SLC2A9: variants seen among roughly 807,000 people sequenced by gnomAD.
SLC2A9 encodes solute carrier family 2 member 9.
Under a neutral mutation model 50.6 loss-of-function variants are expected in SLC2A9, and 39 were observed. That is an observed-to-expected ratio of 0.77 (90% CI 0.60 to 1.01). The LOEUF (loss-of-function observed/expected upper bound fraction) is 1.01. Ranked by LOEUF, SLC2A9 falls within the 50% of genes least tolerant of loss-of-function variation. SLC2A9 has a pLI of 0.00. For missense variants in SLC2A9, 686 were observed against 677.6 expected (o/e 1.01, Z -0.14); for synonymous variants, 324 against 276.9 (o/e 1.17, Z -1.69).
intron 5 of SLC2A9, among the ~76,000 whole-genome samples, chr4:9,944,715 G>A (rs1006631951): frequency 4.6e-5 from 7 of 152,218 alleles, no homozygotes; most frequent in Non-Finnish European, 8.8e-5. Flanking sequence ...CAGAGGGACT[G>A]AGCTTAGCCA....
At chr4:9,844,927 G>C (rs183110298) in intron 10 of SLC2A9, among the ~76,000 whole-genome samples, 52 of 152,286 alleles carry the variant, frequency 3.4e-4, no homozygotes, top group Middle Eastern at 6.8e-3. Context: ...TGTTATTTCT[G>C]CTTCCAGCAA....
chr4:9,848,336 C>G (rs1729303194), intron 10 of SLC2A9, among the ~76,000 whole-genome samples: 1 of 147,522 alleles, frequency 6.8e-6, no homozygotes, highest in African/African-American at 2.6e-5. Flanking sequence ...TGTGGTCTCA[C>G]CACATGGGAT....
At chr4:9,822,015 G>C (rs932648832), downstream of SLC2A9, among the ~76,000 whole-genome samples, 1 of 152,142 alleles carries the variant, frequency 6.6e-6, no homozygotes, top group African/African-American at 2.4e-5. Context: ...TTACAGGCAG[G>C]GTTATTAACA....
At chr4:9,853,298 T>C (rs1730251984) in intron 10 of SLC2A9, among the ~76,000 whole-genome samples, 1 of 150,048 alleles carries the variant, frequency 6.7e-6, no homozygotes, top group Non-Finnish European at 1.5e-5. Context: ...AGTAAAAGGA[T>C]AGAGAAAAAT....
At chr4:10,019,531 A>G (rs1352768600) in intron 1 of SLC2A9, among the ~76,000 whole-genome samples, 1 of 152,218 alleles carries the variant, frequency 6.6e-6, no homozygotes, top group Non-Finnish European at 1.5e-5. Context: ...AGGTGAGGAA[A>G]GAGGGGCAGG....
intron 3 of SLC2A9, among the ~76,000 whole-genome samples, chr4:9,791,512 T>G (rs1042481289): frequency 6.6e-6 from 1 of 152,168 alleles, no homozygotes; most frequent in African/African-American, 2.4e-5. Context: ...GAGGAGATTT[T>G]TAGGGATCTT....
chr4:9,789,630 G>T (rs6448996), intron 3 of SLC2A9, among the ~76,000 whole-genome samples: 55,044 of 152,170 alleles, frequency 0.36, 10,237 homozygotes, highest in East Asian at 0.53. Flanking sequence ...AGCCCATGTG[G>T]AAACCCCTGG....
At chr4:9,878,873 C>T (rs1734722762) in intron 10 of SLC2A9, 1 of 213,766 alleles carries the variant, frequency 4.7e-6, no homozygotes, top group South Asian at 1.7e-4. Flanking sequence ...GTTGGACACC[C>T]AGTTGTTGGT....
chr4:9,921,209 G>C (rs775493500), intron 6 of SLC2A9, among the ~76,000 whole-genome samples: 2 of 152,174 alleles, frequency 1.3e-5, no homozygotes, highest in Non-Finnish European at 2.9e-5. Flanking sequence ...TAGTCCCAAA[G>C]AGTGAATCTT....
chr4:9,937,584 C>T (rs1747319071), intron 6 of SLC2A9, among the ~76,000 whole-genome samples: 1 of 152,130 alleles, frequency 6.6e-6, no homozygotes, highest in African/African-American at 2.4e-5. Flanking sequence ...GCAGTGCGTC[C>T]CCACCTCCCT....
At chr4:9,786,421 C>T (rs920135619) in intron 3 of SLC2A9, among the ~76,000 whole-genome samples, 3 of 152,186 alleles carry the variant, frequency 2.0e-5, no homozygotes, top group African/African-American at 7.2e-5. Context: ...AGCAAATGCA[C>T]TAGTGCACAG....
At chr4:10,000,477 C>T (rs1236679943) in intron 2 of SLC2A9, among the ~76,000 whole-genome samples, 2 of 152,170 alleles carry the variant, frequency 1.3e-5, no homozygotes, top group East Asian at 3.9e-4. Flanking sequence ...TCAAGGATGG[C>T]CCATCTGGTG....
At chr4:9,779,915 C>A (rs1038330840) in exon 4 of SLC2A9, 1 of 152,146 alleles carries the variant, frequency 6.6e-6, no homozygotes, top group East Asian at 1.9e-4. Context: ...ACTTGGTGTT[C>A]TCCAGGAGAA....
chr4:9,782,067 G>T (rs1242742542), intron 3 of SLC2A9: 6 of 1,496,514 alleles, frequency 4.0e-6, no homozygotes, highest in Admixed American at 2.3e-5. Context: ...GCGTACCCGG[G>T]GCAGTTCGCT....
At chr4:9,858,459 T>A (rs141431686) in intron 10 of SLC2A9, among the ~76,000 whole-genome samples, 4 of 152,348 alleles carry the variant, frequency 2.6e-5, no homozygotes, top group African/African-American at 7.2e-5. Context: ...TTCCTTTGCA[T>A]TCCCTTCATT....
intron 5 of SLC2A9, among the ~76,000 whole-genome samples, chr4:9,968,840 AT>A (rs1020741009): frequency 1.1e-4 from 17 of 152,188 alleles, no homozygotes; most frequent in Admixed American, 1.0e-3. Flanking sequence ...CCTTTACTAA[AT>A]TTTTTTATTA....
At position 9,782,604 on chromosome 4, in the gene SLC2A9, A is replaced by G. The variant is rs762189023; in HGVS notation, n.386-2539T>C. On this transcript the variant is annotated intron_variant and non_coding_transcript_variant, in intron 3 of 3. Transcript: ENST00000503803. ...CAGGCGGCCTCTTGGGGCGGGCTGG[A>G]CCTGCCAAACAACCTGGCCAACTGG... The G allele has an allele frequency of 8.1e-6, 13 of 1,613,822 alleles. No homozygotes were observed. The African/African-American group carries it at 1.6e-4, about 20-fold the overall frequency.
chr4:9,987,335 G>C (rs1005798825), intron 3 of SLC2A9, among the ~76,000 whole-genome samples: 1 of 152,140 alleles, frequency 6.6e-6, no homozygotes, highest in Non-Finnish European at 1.5e-5. Flanking sequence ...GGCCAGGATG[G>C]TCTCAAACTT....
chr4:10,003,521 G>C (rs1187636051), intron 2 of SLC2A9, among the ~76,000 whole-genome samples: 2 of 152,282 alleles, frequency 1.3e-5, no homozygotes, highest in African/African-American at 2.4e-5. Flanking sequence ...GCATAGCCTA[G>C]GCCCCCTGCA....
Sources: allele counts gnomAD v4.1 joint callset (sites outside exome capture counted in the v4.1 genomes callset), GRCh38; gene constraint gnomAD v4.1.1; transcripts MANE v1.5; gene names NCBI Gene and HGNC (gene_info 2026-07-23, HGNC 2026-07-21).